The following KCNK10 variants were observed in gnomAD, a reference collection of about 807,000 sequenced individuals.
KCNK10 encodes potassium channel subfamily K member 10.
A neutral mutation model predicts 47.7 loss-of-function variants in KCNK10; 25 were observed. The observed-to-expected ratio is 0.52, with a 90% CI of 0.38 to 0.73. KCNK10 has a LOEUF of 0.73. KCNK10 is among the 30% of genes least tolerant of loss of function. The pLI is 0.00. For synonymous variants in KCNK10, 303 were observed against 285.6 expected (o/e 1.06, Z -0.61); for missense variants, 563 against 714.5 (o/e 0.79, Z 2.42).
rs2139810276 is a variant in KCNK10 at position 88,322,929 on chromosome 14, T to C, written c.-131A>G. 7.2e-6 allele frequency: 11 copies of C among 1,524,738 alleles called. No homozygotes were observed. The South Asian group carries it at 1.2e-4, about 17-fold the overall frequency. The allele number at this position is 1,524,738 out of a possible 1,614,324, so 94.5% of individuals were successfully genotyped here. On this transcript the variant is annotated 5_prime_UTR_variant, in exon 1 of 7. Transcript: ENST00000319231. This position sits in a 1 kb window ranked among gnomAD's most constrained non-coding sequence, Gnocchi z 4.8. ...GATGGGGGAGCCTTGGACTGGCTCG[T>C]GGAGGAACCCCAGAAAAAGACAGGT...
At chr14:88,233,435 T>C (rs979348334) in intron 3 of KCNK10, among the ~76,000 whole-genome samples, 3 of 152,210 alleles carry the variant, frequency 2.0e-5, no homozygotes, top group Non-Finnish European at 4.4e-5. Context: ...ATGTCCATCT[T>C]TGAACTAATA....
At chr14:88,284,249 A>G (rs1887716129) in intron 1 of KCNK10, among the ~76,000 whole-genome samples, 4 of 152,134 alleles carry the variant, frequency 2.6e-5, no homozygotes, top group Non-Finnish European at 5.9e-5. Flanking sequence ...CCGGCTTTGC[A>G]CTAACTAGCC....
At chr14:88,205,351 G>C (rs1566684512) in intron 4 of KCNK10, among the ~76,000 whole-genome samples, 1 of 152,088 alleles carries the variant, frequency 6.6e-6, no homozygotes, top group East Asian at 1.9e-4. Context: ...ACCTCTTGCA[G>C]GAAGCCCTCT....
rs1888575272 is a variant in KCNK10 at position 88,322,783 on chromosome 14, C to G, written c.16G>C (p.Glu6Gln). 3.1e-6 allele frequency: 5 copies of G among 1,614,070 alleles called. No individual in the cohort carries two copies. Among genetic ancestry groups the G allele is most frequent in the Non-Finnish European group, 4.2e-6 (5 of 1,180,008 alleles). The part of the protein sequence containing the change: MKFPI[E>Q]TPRKQVNWDP... ...CAGTTCACCTGTTTTCTTGGCGTCT[C>G]GATTGGAAATTTCATTGCTTCGTTG... Residue 6 changes from glutamate to glutamine, a missense_variant, in exon 1 of 7, where the codon GAG (glutamate) becomes CAG (glutamine). Transcript: ENST00000319231. The surrounding 1 kb of genome is among the most constrained non-coding windows in gnomAD (Gnocchi z 4.8).
intron 1 of KCNK10, among the ~76,000 whole-genome samples, chr14:88,286,764 T>C (rs1048705067): frequency 7.9e-5 from 12 of 152,140 alleles, no homozygotes; most frequent in African/African-American, 2.9e-4. Context: ...ATGAGACTTA[T>C]TCACTACCAC....
intron 1 of KCNK10, among the ~76,000 whole-genome samples, chr14:88,283,051 C>A (rs1282501176): frequency 1.3e-5 from 2 of 152,234 alleles, no homozygotes; most frequent in Non-Finnish European, 2.9e-5. Flanking sequence ...ATTCACATTT[C>A]TTTTCATCAC....
At chr14:88,273,026 AG>A (rs748920886) in intron 1 of KCNK10, among the ~76,000 whole-genome samples, 4 of 152,164 alleles carry the variant, frequency 2.6e-5, no homozygotes, top group Non-Finnish European at 4.4e-5. Flanking sequence ...AGTTAACATG[AG>A]GCATAAGGGA....
At position 88,315,577 on chromosome 14, in the gene KCNK10, G is replaced by A. The variant is rs140899698; in HGVS notation, c.52+7170C>T. Among the ~76,000 whole-genome samples, 26 of 152,204 alleles carry A rather than the reference G, an allele frequency of 1.7e-4. 1 individual carries two copies. Among genetic ancestry groups the A allele is most frequent in the African/African-American group, 6.3e-4 (26 of 41,534 alleles). ...TTATCATGCTAAATATTTGGTGTGT[G>A]ATTATTTAGGGGATCTCGAGTTCTG... On this transcript the variant is annotated intron_variant, in intron 1 of 6. Coordinates refer to ENST00000319231, the MANE Select transcript of KCNK10 (RefSeq NM_138317.3).
At chr14:88,233,162 T>G (rs551911290) in intron 3 of KCNK10, among the ~76,000 whole-genome samples, 3 of 152,120 alleles carry the variant, frequency 2.0e-5, no homozygotes, top group African/African-American at 7.2e-5. Flanking sequence ...TTGACCCCAG[T>G]AAATAGAAGG....
At chr14:88,217,552 T>C (rs1007404077) in intron 4 of KCNK10, among the ~76,000 whole-genome samples, 3 of 152,174 alleles carry the variant, frequency 2.0e-5, no homozygotes, top group African/African-American at 7.2e-5. Context: ...TATTTTTTTA[T>C]TTTACTTAAA....
chr14:88,194,252 A>G lies in KCNK10; in HGVS notation c.682-1842T>C, dbSNP rs368971692. 3.9e-5 allele frequency among the ~76,000 whole-genome samples: 6 copies of G among 152,320 alleles called. No homozygotes were observed. The East Asian group carries it at 9.6e-4, about 24-fold the overall frequency. On this transcript the variant is annotated intron_variant, in intron 4 of 6. Coordinates refer to ENST00000319231, the MANE Select transcript of KCNK10 (RefSeq NM_138317.3). ...GAAAACTGCAGGGAAAGTTTTGTCT[A>G]TTTCATAAATTTCCATGTTGGATAT... is the stretch of plus-strand genomic sequence containing the variant.
At chr14:88,312,727 T>A (rs1041753349) in intron 1 of KCNK10, among the ~76,000 whole-genome samples, 1 of 152,196 alleles carries the variant, frequency 6.6e-6, no homozygotes, top group Non-Finnish European at 1.5e-5. Flanking sequence ...GTCTTTTTTT[T>A]AAATTAATGT....
intron 2 of KCNK10, among the ~76,000 whole-genome samples, chr14:88,251,279 T>TTCA (rs1488553234): frequency 6.6e-6 from 1 of 150,454 alleles, no homozygotes; most frequent in Non-Finnish European, 1.5e-5. Context: ...GCACCATTCC[T>TTCA]TCATTCCTCA....
At chr14:88,301,391 T>C (rs561193192) in intron 1 of KCNK10, among the ~76,000 whole-genome samples, 1 of 152,282 alleles carries the variant, frequency 6.6e-6, no homozygotes, top group South Asian at 2.1e-4. Flanking sequence ...CATTGTACTG[T>C]TTTTAGTTTA....
intron 4 of KCNK10, among the ~76,000 whole-genome samples, chr14:88,211,636 G>A (rs1363232956): frequency 6.6e-6 from 1 of 152,140 alleles, no homozygotes; most frequent in Non-Finnish European, 1.5e-5. Context: ...GGTGGCTCAC[G>A]GCTGTAATCC....
intron 2 of KCNK10, among the ~76,000 whole-genome samples, chr14:88,253,260 T>C (rs1886850218): frequency 6.6e-6 from 1 of 152,084 alleles, no homozygotes; most frequent in Non-Finnish European, 1.5e-5. Flanking sequence ...AAACAGGACA[T>C]AATTACAGCA....
chr14:88,266,248 A>G lies in KCNK10; in HGVS notation c.53-2697T>C, dbSNP rs1887250180. Among the ~76,000 whole-genome samples the G allele has an allele frequency of 2.0e-5, 3 of 152,254 alleles. No homozygotes were observed. In the South Asian group the frequency reaches 6.2e-4, roughly 32 times the overall value. On this transcript the variant is annotated intron_variant, in intron 1 of 6. Transcript: ENST00000319231. ...ACAGACAACGTGGATGAGCAGCGTC[A>G]AATGGCAAACAGTTTGGCACTCCAG...
chr14:88,188,417 GAACTACAGGAC>G (rs1422719807), intron 5 of KCNK10, among the ~76,000 whole-genome samples: 17 of 152,280 alleles, frequency 1.1e-4, no homozygotes, highest in Middle Eastern at 3.4e-3. Flanking sequence ...GAATAACTCT[GAACTACAGGAC>G]AACAGATCAG....
At chr14:88,240,926 C>G in intron 2 of KCNK10, 106 bp from the exon 3 acceptor site, 1 of 659,404 alleles carries the variant, frequency 1.5e-6, no homozygotes, top group East Asian at 2.8e-5. Context: ...ACTCAAGAAC[C>G]TGCAGTGATC....
Sources: allele counts gnomAD v4.1 joint callset (sites outside exome capture counted in the v4.1 genomes callset), GRCh38; gene constraint gnomAD v4.1.1; non-coding constraint Gnocchi (gnomAD v3.1); transcripts MANE v1.5; gene names NCBI Gene and HGNC (gene_info 2026-07-23, HGNC 2026-07-21).